Variants in KRABD5 observed in about 807,000 individuals in gnomAD.
KRABD5 encodes the protein KRAB domain containing 5.
At chr16:31,736,603 C>T in the KRABD5 span, among the ~76,000 whole-genome samples, 13 of 151,286 alleles carry the variant, frequency 8.6e-5, no homozygotes, top group Middle Eastern at 3.4e-3. Flanking sequence ...CTGCAACCTC[C>T]GCTTCCTGGA....
the KRABD5 span, among the ~76,000 whole-genome samples, chr16:31,740,117 G>C: frequency 2.0e-5 from 3 of 152,172 alleles, no homozygotes; most frequent in Admixed American, 2.0e-4. Context: ...TCTGAAGGCT[G>C]TGAGACCCCT....
At chr16:31,730,320 TTTTG>T in the KRABD5 span, among the ~76,000 whole-genome samples, 30 of 152,254 alleles carry the variant, frequency 2.0e-4, no homozygotes, top group Non-Finnish European at 3.2e-4. Flanking sequence ...TAGTTGTCTT[TTTTG>T]TTTGTTTGTT....
the KRABD5 span, chr16:31,757,089 G>A: frequency 2.0e-5 from 3 of 152,144 alleles, no homozygotes; most frequent in African/African-American, 4.8e-5. Context: ...ATTCATGTGA[G>A]AAGAATTATA....
At chr16:31,749,818 T>G in the KRABD5 span, among the ~76,000 whole-genome samples, 2 of 152,190 alleles carry the variant, frequency 1.3e-5, no homozygotes, top group African/African-American at 2.4e-5. Context: ...TGGTGAAAGA[T>G]TCACACACTT....
the KRABD5 span, chr16:31,723,388 G>A: frequency 4.2e-5 from 66 of 1,572,812 alleles, 1 homozygote; most frequent in African/African-American, 3.4e-4. Flanking sequence ...TGACATGGGC[G>A]AGAGGTCCAG....
the KRABD5 span, among the ~76,000 whole-genome samples, chr16:31,749,318 G>A: frequency 2.8e-4 from 42 of 152,300 alleles, no homozygotes; most frequent in East Asian, 8.1e-3. Context: ...ACTCCAGAAG[G>A]GGAAAAGCAC....
the KRABD5 span, among the ~76,000 whole-genome samples, chr16:31,750,917 A>T: frequency 6.6e-6 from 1 of 151,970 alleles, no homozygotes; most frequent in African/African-American, 2.4e-5. Flanking sequence ...GTGCCATCAC[A>T]CCCAGCTAAT....
chr16:31,747,368 T>C, the KRABD5 span, among the ~76,000 whole-genome samples: 3 of 152,188 alleles, frequency 2.0e-5, no homozygotes, highest in African/African-American at 7.2e-5. Flanking sequence ...ATGTGCCACA[T>C]TTTCTTAATC....
the KRABD5 span, among the ~76,000 whole-genome samples, chr16:31,716,394 A>G: frequency 6.6e-6 from 1 of 151,948 alleles, no homozygotes; most frequent in Non-Finnish European, 1.5e-5. Flanking sequence ...CTTCCCCACA[A>G]ACCCTGACAG....
At chr16:31,731,482 G>C in the KRABD5 span, among the ~76,000 whole-genome samples, 1 of 152,204 alleles carries the variant, frequency 6.6e-6, no homozygotes, top group Non-Finnish European at 1.5e-5. Context: ...CGGAGTCTCT[G>C]GGAGTGGTTT....
At chr16:31,748,434 G>A in the KRABD5 span, among the ~76,000 whole-genome samples, 1 of 152,184 alleles carries the variant, frequency 6.6e-6, no homozygotes, top group Non-Finnish European at 1.5e-5. Context: ...GATGCCTCCA[G>A]CTTTGTTCTT....
At chr16:31,743,756 A>T in the KRABD5 span, among the ~76,000 whole-genome samples, 1 of 152,118 alleles carries the variant, frequency 6.6e-6, no homozygotes, top group African/African-American at 2.4e-5. Flanking sequence ...ATCCATGAGG[A>T]TGGAATATTT....
the KRABD5 span, among the ~76,000 whole-genome samples, chr16:31,741,548 C>G: frequency 4.6e-5 from 7 of 152,214 alleles, no homozygotes; most frequent in East Asian, 9.6e-4. Context: ...TTGCATTTTT[C>G]TGATGGGTAG....
chr16:31,724,378 G>A, the KRABD5 span, among the ~76,000 whole-genome samples: 2 of 152,004 alleles, frequency 1.3e-5, no homozygotes, highest in Non-Finnish European at 2.9e-5. Context: ...CAGGTTTTTT[G>A]TGGAGAGAAC....
chr16:31,726,335 T>A, the KRABD5 span, among the ~76,000 whole-genome samples: 1 of 152,338 alleles, frequency 6.6e-6, no homozygotes, highest in African/African-American at 2.4e-5. Flanking sequence ...GGTCTATATG[T>A]CTTTTTAGGT....
the KRABD5 span, among the ~76,000 whole-genome samples, chr16:31,738,377 G>A: frequency 5.3e-5 from 8 of 152,090 alleles, no homozygotes; most frequent in Non-Finnish European, 1.2e-4. Context: ...TATTTGAGAG[G>A]TGTGATGTTA....
At chr16:31,740,669 C>T in the KRABD5 span, among the ~76,000 whole-genome samples, 2 of 151,686 alleles carry the variant, frequency 1.3e-5, no homozygotes, top group Middle Eastern at 6.8e-3. Flanking sequence ...TGGCATGTGC[C>T]TGTAGTCCCA....
the KRABD5 span, among the ~76,000 whole-genome samples, chr16:31,751,468 C>G: frequency 3.3e-5 from 5 of 152,098 alleles, no homozygotes; most frequent in Admixed American, 1.3e-4. Context: ...GAACTTGATA[C>G]TGGTTTGTTC....
At chr16:31,750,880 C>T in the KRABD5 span, among the ~76,000 whole-genome samples, 7 of 152,070 alleles carry the variant, frequency 4.6e-5, no homozygotes, top group Non-Finnish European at 8.8e-5. Flanking sequence ...ATGCCTCAGT[C>T]GCCAGAGTAC....
Sources: allele counts gnomAD v4.1 joint callset (sites outside exome capture counted in the v4.1 genomes callset), GRCh38; gene constraint gnomAD v4.1.1; transcripts MANE v1.5; gene names NCBI Gene and HGNC (gene_info 2026-07-23, HGNC 2026-07-21).